The following ARSB variants were observed in gnomAD, a reference collection of about 807,000 sequenced individuals.
ARSB encodes the protein N-acetylgalactosamine-4-sulfatase.
Under a neutral mutation model 50.9 loss-of-function variants are expected in ARSB, and 41 were observed. The ratio of observed to expected loss-of-function variants is 0.81; its 90% CI spans 0.63 to 1.04. The LOEUF is 1.04. Ranked by LOEUF, ARSB falls within the 50% of genes least tolerant of loss-of-function variation. ARSB has a pLI of 0.00. For synonymous variants in ARSB, 269 were observed against 284.8 expected, an observed-to-expected ratio of 0.94 and a Z score of 0.56; for missense variants, 672 against 693.3, an observed-to-expected ratio of 0.97 and a Z score of 0.35.
At chr5:78,942,607 T>G (rs1248831485) in intron 4 of ARSB, among the ~76,000 whole-genome samples, 1 of 152,230 alleles carries the variant, frequency 6.6e-6, no homozygotes, top group South Asian at 2.1e-4. Context: ...GTGAGTTTCT[T>G]AATCCTGAGT....
At chr5:78,814,884 C>T (rs1327379876) in intron 6 of ARSB, among the ~76,000 whole-genome samples, 2 of 150,560 alleles carry the variant, frequency 1.3e-5, no homozygotes, top group Non-Finnish European at 3.0e-5. Flanking sequence ...CAGCATGCTG[C>T]CCAGGTGACT....
At chr5:78,980,250 C>T (rs1216141305) in intron 1 of ARSB, among the ~76,000 whole-genome samples, 1 of 152,122 alleles carries the variant, frequency 6.6e-6, no homozygotes, top group Non-Finnish European at 1.5e-5. Context: ...CTTAATATTG[C>T]CAGTGGGAAT....
intron 5 of ARSB, among the ~76,000 whole-genome samples, chr5:78,866,120 T>C (rs1375939431): frequency 6.6e-6 from 1 of 152,186 alleles, no homozygotes; most frequent in Non-Finnish European, 1.5e-5. Context: ...ATTTACTGTA[T>C]TACTCTGTTT....
At position 78,845,098 on chromosome 5, in the gene ARSB, C is replaced by G. The variant is rs184932555; in HGVS notation, c.1143-5672G>C. Among the ~76,000 whole-genome samples, 126 of 151,890 alleles carry G rather than the reference C, an allele frequency of 8.3e-4. 1 individual carries two copies. Among genetic ancestry groups the G allele is most frequent in the Admixed American group, 2.5e-3 (38 of 15,242 alleles). On this transcript the variant is annotated intron_variant, in intron 5 of 7. Transcript: ENST00000264914. ...CTACTCTTTGCTTCTATGAGATCAA[C>G]GTTTTTTAGCTTCCATGTATGAGAA...
At chr5:78,870,160 T>A (rs936579142) in intron 5 of ARSB, among the ~76,000 whole-genome samples, 52 of 148,810 alleles carry the variant, frequency 3.5e-4, no homozygotes, top group Non-Finnish European at 7.0e-4. Flanking sequence ...GCTGAAATTG[T>A]GGCAATAATC....
chr5:78,966,002 C>A (rs537896815), intron 2 of ARSB, among the ~76,000 whole-genome samples: 16 of 152,196 alleles, frequency 1.1e-4, no homozygotes, highest in Non-Finnish European at 1.5e-4. Flanking sequence ...TAATTTCAGC[C>A]CTTACATGGG....
intron 5 of ARSB, among the ~76,000 whole-genome samples, chr5:78,848,045 A>G (rs13155460): frequency 0.23 from 34,568 of 150,460 alleles, 4,724 homozygotes; most frequent in Admixed American, 0.31. Flanking sequence ...TTTAGCGTGA[A>G]TTTTTTTATT....
intron 1 of ARSB, among the ~76,000 whole-genome samples, chr5:78,979,223 C>CA (rs1752793929): frequency 6.6e-6 from 1 of 152,004 alleles, no homozygotes; most frequent in Admixed American, 6.6e-5. Context: ...ATCAATAAGA[C>CA]ATTAAAAGAT....
At chr5:78,793,163 T>A (rs1743036888) in intron 6 of ARSB, among the ~76,000 whole-genome samples, 1 of 152,206 alleles carries the variant, frequency 6.6e-6, no homozygotes, top group Non-Finnish European at 1.5e-5. Flanking sequence ...GCACTTATGA[T>A]GGTCTTTGCA....
At chr5:78,968,247 T>A (rs936756238) in intron 2 of ARSB, among the ~76,000 whole-genome samples, 6 of 148,752 alleles carry the variant, frequency 4.0e-5, no homozygotes, top group Non-Finnish European at 6.0e-5. Flanking sequence ...AAAGGAAAAA[T>A]TGTGAATACA....
At chr5:78,834,104 A>G (rs1744819221) in intron 6 of ARSB, among the ~76,000 whole-genome samples, 1 of 152,178 alleles carries the variant, frequency 6.6e-6, no homozygotes, top group Admixed American at 6.5e-5. Flanking sequence ...TATTAACCCA[A>G]CAACTTACTA....
intron 4 of ARSB, among the ~76,000 whole-genome samples, chr5:78,935,927 TCCTCCACTCC>T (rs1219582492): frequency 5.6e-5 from 6 of 107,060 alleles, no homozygotes; most frequent in African/African-American, 1.4e-4. Context: ...TCCTCCCCTC[TCCTCCACTCC>T]CCTCCCCTCC....
chr5:78,860,871 TAATA>T (rs373382400), intron 5 of ARSB, among the ~76,000 whole-genome samples: 7,768 of 152,020 alleles, frequency 0.051, 617 homozygotes, highest in African/African-American at 0.18. Flanking sequence ...CTAGCAAGAC[TAATA>T]AAGAAGAAAA....
intron 5 of ARSB, among the ~76,000 whole-genome samples, chr5:78,865,291 G>T (rs1018693454): frequency 1.3e-5 from 2 of 152,202 alleles, no homozygotes; most frequent in African/African-American, 4.8e-5. Flanking sequence ...GCACTGGCAG[G>T]CTCAACACCA....
At chr5:78,897,349 C>T (rs923705856) in intron 4 of ARSB, among the ~76,000 whole-genome samples, 1 of 152,132 alleles carries the variant, frequency 6.6e-6, no homozygotes, top group Non-Finnish European at 1.5e-5. Context: ...TTCTAAAATA[C>T]TCTCAGTAAA....
At chr5:78,983,512 CCTT>C (rs898302489) in intron 1 of ARSB, among the ~76,000 whole-genome samples, 28 of 151,878 alleles carry the variant, frequency 1.8e-4, no homozygotes, top group Non-Finnish European at 1.5e-4. Context: ...CTCACCTTTC[CCTT>C]CTTCTTCTTC....
At chr5:78,929,530 C>G (rs1750216391) in intron 4 of ARSB, among the ~76,000 whole-genome samples, 1 of 152,134 alleles carries the variant, frequency 6.6e-6, no homozygotes, top group South Asian at 2.1e-4. Context: ...GTGGCTCACT[C>G]CTGTAATCCT....
chr5:78,809,859 T>C (rs1445560716), intron 6 of ARSB, among the ~76,000 whole-genome samples: 67 of 152,206 alleles, frequency 4.4e-4, no homozygotes, highest in Non-Finnish European at 1.5e-4. Context: ...GCCCATTGCT[T>C]TGGCCCTCTG....
At chr5:78,800,370 G>C (rs1388349737) in intron 6 of ARSB, among the ~76,000 whole-genome samples, 3 of 150,060 alleles carry the variant, frequency 2.0e-5, no homozygotes, top group African/African-American at 7.4e-5. Context: ...AGGAAGCTGT[G>C]CACAGAGGCT....
Sources: gnomAD v4.1 joint callset for allele counts (sites outside exome capture counted in the v4.1 genomes callset) on GRCh38, gnomAD v4.1.1 for gene constraint, MANE v1.5 for transcripts, NCBI Gene and HGNC (gene_info 2026-07-23, HGNC 2026-07-21) for gene names.